NAV2: variants seen among roughly 807,000 people sequenced by gnomAD.
The protein encoded by NAV2 is neuron navigator 2, also known as helicase, APC down-regulated 1.
Under a neutral mutation model 223.2 loss-of-function variants are expected in NAV2, and 54 were observed. The observed-to-expected ratio is 0.24, with a 90% CI of 0.19 to 0.30. NAV2 has a LOEUF of 0.30. Ranked by LOEUF, NAV2 falls within the 10% of genes least tolerant of loss-of-function variation. NAV2 has a pLI of 1.00. For synonymous variants in NAV2, 1,279 were observed against 1,239.3 expected, an observed-to-expected ratio of 1.03 and a Z score of -0.67; for missense variants, 2,806 against 3,147.5, an observed-to-expected ratio of 0.89 and a Z score of 2.60.
intron 3 of NAV2, among the ~76,000 whole-genome samples, chr11:19,853,790 A>C (rs1470374310): frequency 6.6e-6 from 1 of 151,550 alleles, no homozygotes; most frequent in Non-Finnish European, 1.5e-5. Context: ...CTGGGGTGAT[A>C]ATTCTTTAGG....
intron 1 of NAV2, among the ~76,000 whole-genome samples, chr11:19,395,218 G>T (rs1266964351): frequency 2.6e-5 from 4 of 152,262 alleles, no homozygotes; most frequent in Admixed American, 2.0e-4. Context: ...TGCTGTGCGT[G>T]TTAGTGCATT....
intron 31 of NAV2, among the ~76,000 whole-genome samples, chr11:20,097,962 T>C (rs921496756): frequency 1.3e-5 from 2 of 152,206 alleles, no homozygotes; most frequent in African/African-American, 4.8e-5. Flanking sequence ...TGCAATTATC[T>C]AACAAAAGAT....
chr11:19,939,616 G>A (rs1318924811), intron 7 of NAV2, 45 bp from the exon 8 acceptor site: 2 of 1,508,152 alleles, frequency 1.3e-6, no homozygotes, highest in Admixed American at 3.4e-5. Flanking sequence ...AGATGTGGTA[G>A]TTGCCTCTCA....
Position 19,964,809 on chromosome 11 carries a change from CTTTTTTT to C in NAV2, c.2645+15750_2645+15756del, listed in dbSNP as rs71050695. 6.4e-3 allele frequency among the ~76,000 whole-genome samples: 371 copies of C among 57,538 alleles called. 2 individuals carry two copies. Among genetic ancestry groups the C allele is most frequent in the African/African-American group, 0.019 (255 of 13,744 alleles). The allele number at this position is 57,538 out of a possible 152,430, so 37.7% of individuals were successfully genotyped here. A position where few individuals can be genotyped will look rare whatever the true frequency, so the allele number is the denominator to read the frequency against. On this transcript the variant is annotated intron_variant, in intron 10 of 37. Coordinates refer to ENST00000349880, the MANE Select transcript of NAV2 (RefSeq NM_145117.5). ...AGCCACCACAGCTGGCCTCATTCTA[CTTTTTTT>C]TTTTTTTTTTTTTTTTTTTTGAGAT...
intron 12 of NAV2, among the ~76,000 whole-genome samples, chr11:20,042,457 G>T (rs527738637): frequency 2.0e-5 from 3 of 152,258 alleles, no homozygotes; most frequent in African/African-American, 7.2e-5. Flanking sequence ...TAGCCAGGCA[G>T]TGTGTGTTTG....
chr11:19,582,513 T>C lies in NAV2; in HGVS notation c.75+231486T>C, dbSNP rs562299955. ...TATGGTTTTAGGCCTAACATTTAAG[T>C]CTTTAATCCATCTTGAATTAATTTT... On this transcript the variant is annotated intron_variant, in intron 1 of 37. Transcript: ENST00000360655. Among the ~76,000 whole-genome samples, 11 of 152,382 alleles carry C rather than the reference T, an allele frequency of 7.2e-5. No homozygotes were observed. The South Asian group carries it at 2.3e-3, about 32-fold the overall frequency.
rs747307437 is a variant in NAV2 at position 19,713,057 on chromosome 11, C to A, written c.-639C>A. ...TTCTGGGCAGCGGTGACTGTCACCC[C>A]AAGAGAGACCTTTCGGGGGCTCTTG... On this transcript the variant is annotated 5_prime_UTR_variant, in exon 1 of 38. Transcript: ENST00000349880. This position sits in a 1 kb window ranked among gnomAD's most constrained non-coding sequence, Gnocchi z 7.2. 1.3e-5 allele frequency among the ~76,000 whole-genome samples: 2 copies of A among 152,140 alleles called. No homozygotes were observed. Among genetic ancestry groups the A allele is most frequent in the Non-Finnish European group, 2.9e-5 (2 of 68,022 alleles).
intron 1 of NAV2, among the ~76,000 whole-genome samples, chr11:19,731,903 T>C (rs2051811362): frequency 2.0e-5 from 3 of 152,082 alleles, no homozygotes; most frequent in Admixed American, 6.6e-5. Context: ...AGTTGAAGGA[T>C]AGGGAAAATA....
chr11:20,049,861 C>A lies in NAV2; in HGVS notation c.4396C>A (p.Pro1466Thr), dbSNP rs1564931175. ...ESPLSSPAAS[P>T]KFCRSTLPRK... is the part of the protein sequence containing the mutation. ...CCCTCTCTCTTCCCCTGCTGCTAGC[C>A]CTAAGTTCTGCAGAAGTACTCTGCC... is the stretch of plus-strand genomic sequence containing the variant. Residue 1466 changes from proline to threonine, a missense_variant, in exon 16 of 38, where the codon CCT becomes ACT. Pro to Thr is a conservative substitution (Grantham distance 38). Around this residue, in one of 4 missense-constraint regions of NAV2, gnomAD observed 742 missense variants for 777.9 expected, o/e 0.95. Coordinates refer to ENST00000349880, the MANE Select transcript of NAV2 (RefSeq NM_145117.5). The A allele has an allele frequency of 6.2e-7, 1 of 1,614,142 alleles. No individual in the cohort carries two copies.
chr11:19,457,844 G>A (rs1407766974), intron 1 of NAV2, among the ~76,000 whole-genome samples: 2 of 152,178 alleles, frequency 1.3e-5, no homozygotes, highest in African/African-American at 4.8e-5. Flanking sequence ...TCTTGCAGAT[G>A]AGTTGCAAAC....
chr11:19,770,810 G>A (rs2055661559), intron 1 of NAV2, among the ~76,000 whole-genome samples: 1 of 152,148 alleles, frequency 6.6e-6, no homozygotes, highest in African/African-American at 2.4e-5. Context: ...CTCTCCAAAA[G>A]CTCTCCTTCT....
At chr11:19,384,086 T>C (rs576729908) in intron 1 of NAV2, among the ~76,000 whole-genome samples, 13 of 152,066 alleles carry the variant, frequency 8.5e-5, no homozygotes, top group African/African-American at 2.4e-4. Flanking sequence ...GTGCAAAACA[T>C]GAAAAAATAT....
intron 34 of NAV2, chr11:20,105,319 G>A (rs2061950151): frequency 2.2e-6 from 1 of 450,950 alleles, no homozygotes. Context: ...CCGTAAAACG[G>A]AGGTGGAGAT....
chr11:19,830,574 A>G (rs555123306), intron 1 of NAV2, among the ~76,000 whole-genome samples: 1 of 152,344 alleles, frequency 6.6e-6, no homozygotes, highest in South Asian at 2.1e-4. Context: ...CCTGGCATGT[A>G]GTAGGCACTG....
rs569446282 is a variant in NAV2, at chr11:19,859,137, C to CTTTTTTTTTTTTTTTTTTTTTTT, written c.439-9766_439-9765insTTTTTTTTTTTTTTTTTTTTTTT. On this transcript the variant is annotated intron_variant, in intron 3 of 37. Coordinates refer to ENST00000349880, the MANE Select transcript of NAV2 (RefSeq NM_145117.5). ...ATGGAGGAGTCCAAAATCATATTCTCTTTTTTTTTTTTTTTTTTTTTTATT... is the reference window on the plus strand; with the variant it reads ...ATGGAGGAGTCCAAAATCATATTCTCTTTTTTTTTTTTTTTTTTTTTTTTTTTTTTTTTTTTTTTTTTTTTATT... 8.3e-4 allele frequency among the ~76,000 whole-genome samples: 89 copies of CTTTTTTTTTTTTTTTTTTTTTTT among 107,082 alleles called. 1 individual carries two copies. Among genetic ancestry groups the CTTTTTTTTTTTTTTTTTTTTTTT allele is most frequent in the Middle Eastern group, 5.8e-3 (1 of 172 alleles). 70.2% of individuals were successfully genotyped at this position (107,082 alleles called of 152,430 possible).
At chr11:20,033,151 C>T (rs1310805266) in intron 11 of NAV2, among the ~76,000 whole-genome samples, 2 of 152,312 alleles carry the variant, frequency 1.3e-5, no homozygotes, top group East Asian at 3.9e-4. Context: ...CATCGGTCAG[C>T]GTACTTATTC....
chr11:19,432,866 G>A (rs1851084161), intron 1 of NAV2, among the ~76,000 whole-genome samples: 1 of 152,292 alleles, frequency 6.6e-6, no homozygotes, highest in East Asian at 1.9e-4. Flanking sequence ...AGCTGCTGCT[G>A]TCCTCTGAGG....
rs200360015 is a variant in NAV2 at position 20,051,333 on chromosome 11, G to T, written c.4481G>T (p.Arg1494Met). ...DRNTLPKKGL[R>M]YTPTSQLRTQ... ...AACACTTTGCCTAAGAAAGGACTCA[G>T]GTATCTGTGTTTCCTCCTTGCATCT... The change falls in exon 17 of 38, where the codon AGG (arginine) becomes ATG (methionine). Residue 1494 changes from arginine (R) to methionine (M), a missense_variant and splice_region_variant. Around this residue, in one of 4 missense-constraint regions of NAV2, gnomAD observed 742 missense variants for 777.9 expected, o/e 0.95. Coordinates refer to ENST00000349880, the MANE Select transcript of NAV2 (RefSeq NM_145117.5). The T allele has an allele frequency of 2.5e-6, 4 of 1,614,040 alleles. No homozygotes were observed. Among genetic ancestry groups the T allele is most frequent in the Non-Finnish European group, 8.5e-7 (1 of 1,179,892 alleles).
chr11:20,099,521 G>A (rs1383181477), intron 31 of NAV2, among the ~76,000 whole-genome samples: 1 of 152,170 alleles, frequency 6.6e-6, no homozygotes, highest in Non-Finnish European at 1.5e-5. Context: ...CATCGCTGCT[G>A]TCAGCACGTC....
Sources: gnomAD v4.1 joint callset for allele counts (sites outside exome capture counted in the v4.1 genomes callset) on GRCh38, gnomAD v4.1.1 for gene constraint, gnomAD v4.1.1 regional missense constraint, Gnocchi (gnomAD v3.1) non-coding constraint, MANE v1.5 for transcripts, NCBI Gene and HGNC (gene_info 2026-07-23, HGNC 2026-07-21) for gene names.